MAP3K19: variants seen among roughly 807,000 people sequenced by gnomAD.
MAP3K19 encodes the protein mitogen-activated protein kinase kinase kinase 19, also known as SPS1/STE20-related protein kinase YSK4.
MAP3K19 carries 91 observed loss-of-function variants against 114.4 expected under a neutral mutation model. That is an observed-to-expected ratio of 0.80 (90% CI 0.67 to 0.95). The LOEUF is 0.95. MAP3K19 is among the 40% of genes least tolerant of loss of function. The pLI is 0.00. For synonymous variants in MAP3K19, 518 were observed against 530.5 expected (o/e 0.98, Z 0.32); for missense variants, 1,471 against 1,573.2 (o/e 0.94, Z 1.10).
At chr2:134,968,607 G>C (rs1318614465) in intron 12 of MAP3K19, among the ~76,000 whole-genome samples, 118 of 139,850 alleles carry the variant, frequency 8.4e-4, no homozygotes, top group African/African-American at 1.7e-3. Context: ...GCGGTTGCCA[G>C]GCAGAGGGTC....
rs141616520 is a variant in MAP3K19 at position 135,017,633 on chromosome 2, A to G, written c.138+4082T>C. ...TTCAACCAAACCCTCCTGTTTTTCA[A>G]CCTCATGCTAACTCCCAACGTCTGC... is the stretch of plus-strand genomic sequence containing the variant. On this transcript the variant is annotated intron_variant, in intron 5 of 12. Transcript: ENST00000392915. Among the ~76,000 whole-genome samples the G allele has an allele frequency of 1.9e-3, 287 of 152,160 alleles. 1 individual carries two copies. The highest frequency in any genetic ancestry group is 6.7e-3 in the African/African-American group (277 of 41,492).
chr2:135,018,381 G>A (rs1291587042), intron 5 of MAP3K19, among the ~76,000 whole-genome samples: 3 of 151,814 alleles, frequency 2.0e-5, no homozygotes, highest in Non-Finnish European at 4.4e-5. Flanking sequence ...TTGTTGGCCA[G>A]GCTGGAGCAT....
At chr2:135,039,412 A>G (rs1688602885) in intron 2 of MAP3K19, among the ~76,000 whole-genome samples, 1 of 135,776 alleles carries the variant, frequency 7.4e-6, no homozygotes, top group South Asian at 2.5e-4. Context: ...CTGAAACCCC[A>G]TGTCTCCAAA....
chr2:134,995,568 G>T (rs1370836483), intron 8 of MAP3K19, among the ~76,000 whole-genome samples: 2 of 152,126 alleles, frequency 1.3e-5, no homozygotes, highest in Non-Finnish European at 2.9e-5. Flanking sequence ...ATTGAGATTT[G>T]TTTTATAGGT....
At chr2:134,988,988 C>T (rs1685370397) in intron 9 of MAP3K19, among the ~76,000 whole-genome samples, 1 of 152,184 alleles carries the variant, frequency 6.6e-6, no homozygotes, top group South Asian at 2.1e-4. Flanking sequence ...ACTCAGAATT[C>T]ATATCCGAAA....
At chr2:134,991,449 G>T in intron 9 of MAP3K19, 88 bp downstream of exon 9, 1 of 1,120,270 alleles carries the variant, frequency 8.9e-7, no homozygotes, top group Non-Finnish European at 1.4e-6. Flanking sequence ...GAAGGGTCAA[G>T]TGTAATTGCT....
At chr2:135,029,394 AC>A (rs1275786696) in intron 3 of MAP3K19, among the ~76,000 whole-genome samples, 3 of 152,148 alleles carry the variant, frequency 2.0e-5, no homozygotes, top group Admixed American at 2.0e-4. Context: ...AAACAAACAA[AC>A]AAAAAAACAT....
chr2:135,043,357 T>A (rs960774933), intron 1 of MAP3K19, among the ~76,000 whole-genome samples: 1 of 152,204 alleles, frequency 6.6e-6, no homozygotes, highest in Admixed American at 6.5e-5. Context: ...CATAAACATT[T>A]CCTTGTTATA....
intron 8 of MAP3K19, among the ~76,000 whole-genome samples, chr2:134,998,065 G>A (rs138107297): frequency 2.2e-4 from 34 of 152,190 alleles, no homozygotes; most frequent in East Asian, 2.1e-3. Flanking sequence ...CAATATTGCC[G>A]CAGGGGGAAA....
At chr2:134,966,569 C>G (rs1292209295) in intron 12 of MAP3K19, among the ~76,000 whole-genome samples, 1 of 152,172 alleles carries the variant, frequency 6.6e-6, no homozygotes, top group African/African-American at 2.4e-5. Flanking sequence ...TACGGGCACT[C>G]ACTTTTCTTC....
At chr2:134,977,041 G>A (rs1364348334) in intron 12 of MAP3K19, among the ~76,000 whole-genome samples, 8 of 138,708 alleles carry the variant, frequency 5.8e-5, no homozygotes, top group East Asian at 2.3e-4. Context: ...GCAAGACTCC[G>A]TCTCGGAAAA....
At chr2:135,003,377 T>G (rs898969745) in intron 6 of MAP3K19, among the ~76,000 whole-genome samples, 14 of 152,202 alleles carry the variant, frequency 9.2e-5, no homozygotes, top group Non-Finnish European at 1.8e-4. Context: ...AGTAGGTTCT[T>G]GTATACCTGC....
rs1329088329 is a variant in MAP3K19 at position 134,988,003 on chromosome 2, C to T, written c.869G>A (p.Cys290Tyr). 1 of 1,614,028 alleles carries T rather than the reference C, an allele frequency of 6.2e-7. No homozygotes were observed. The highest frequency in any genetic ancestry group is 2.2e-5 in the East Asian group (1 of 44,898). The change falls in exon 10 of 13, where the codon TGC becomes TAC. Residue 290 changes from cysteine (C) to tyrosine (Y), a missense_variant. By Grantham distance (194) the Cys-to-Tyr change is radical. Transcript: ENST00000392915. ...SDGFIWSRNM[C>Y]SFPKTNHHRQ... is the part of the protein sequence containing the mutation. ...GTGATGGTTAGTCTTAGGAAAAGAG[C>T]ACATGTTTCTTGACCAAATGAAGCC... is the stretch of plus-strand genomic sequence containing the variant.
rs1325914755 is a variant in MAP3K19 at position 135,024,658 on chromosome 2, A to C, written c.-11T>G. ...TGGCATAGAACTCATTAAAATGTCC[A>C]AAAGCTGCTGTTTCTTTGAACTCTC... is the stretch of plus-strand genomic sequence containing the variant. On this transcript the variant is annotated 5_prime_UTR_variant, in exon 4 of 13. Coordinates refer to ENST00000392915, the MANE Select transcript of MAP3K19 (RefSeq NM_025052.5). 1 of 1,613,104 alleles carries C rather than the reference A, an allele frequency of 6.2e-7. No homozygotes were observed. The highest frequency in any genetic ancestry group is 1.3e-5 in the African/African-American group (1 of 75,006).
At chr2:134,982,596 C>T (rs550525771) in intron 11 of MAP3K19, among the ~76,000 whole-genome samples, 4 of 151,988 alleles carry the variant, frequency 2.6e-5, no homozygotes, top group East Asian at 3.9e-4. Flanking sequence ...GTGATCCACC[C>T]GCCTCGGCCT....
At chr2:134,996,947 G>T (rs1200430559) in intron 8 of MAP3K19, among the ~76,000 whole-genome samples, 2 of 152,116 alleles carry the variant, frequency 1.3e-5, no homozygotes, top group Non-Finnish European at 2.9e-5. Flanking sequence ...TACCCAAGAG[G>T]CTGAGGTGGG....
chr2:134,992,187 T>G (rs1685631300), intron 8 of MAP3K19, among the ~76,000 whole-genome samples: 1 of 152,204 alleles, frequency 6.6e-6, no homozygotes, highest in South Asian at 2.1e-4. Context: ...TTTCTGACAT[T>G]CAGTCATCTT....
intron 2 of MAP3K19, among the ~76,000 whole-genome samples, chr2:135,033,795 T>C (rs1207259975): frequency 7.1e-5 from 3 of 42,292 alleles, no homozygotes; most frequent in African/African-American, 1.8e-4. Flanking sequence ...GCCCCTCACC[T>C]CCCGGACGGG....
At position 134,987,499 on chromosome 2, in the gene MAP3K19, C is replaced by T; in HGVS notation, c.1373G>A (p.Gly458Asp). 3 of 1,614,166 alleles carry T rather than the reference C, an allele frequency of 1.9e-6. No individual in the cohort carries two copies. The highest frequency in any genetic ancestry group is 1.1e-5 in the South Asian group (1 of 91,082). Residue 458 changes from glycine to aspartate, a missense_variant, in exon 10 of 13, where the codon GGT (glycine) becomes GAT (aspartate). Transcript: ENST00000392915. Reference protein sequence around the residue: ...FDDPIDKLPEGCSSMETNIKI... With the variant: ...FDDPIDKLPEDCSSMETNIKI... The stretch of plus-strand genomic sequence containing the variant: ...TATGTTTGTCTCCATGCTGCTACAA[C>T]CTTCTGGGAGTTTATCAATGGGGTC...
Sources: gnomAD v4.1 joint callset for allele counts (sites outside exome capture counted in the v4.1 genomes callset) on GRCh38, gnomAD v4.1.1 for gene constraint, MANE v1.5 for transcripts, NCBI Gene and HGNC (gene_info 2026-07-23, HGNC 2026-07-21) for gene names.